Variants in DAB1 observed in about 807,000 individuals in gnomAD.
DAB1 encodes the protein disabled homolog 1.
DAB1 carries 15 observed loss-of-function variants against 64.6 expected under a neutral mutation model. The ratio of observed to expected loss-of-function variants is 0.23; its 90% CI spans 0.16 to 0.36. The LOEUF (loss-of-function observed/expected upper bound fraction) is 0.36, where lower values mean the gene tolerates loss of function less well. Among genes scored for constraint, DAB1 ranks in the 10% least tolerant of loss-of-function variants. The pLI is 1.00. For synonymous variants in DAB1, 235 were observed against 251.9 expected, an observed-to-expected ratio of 0.93 and a Z score of 0.64; for missense variants, 596 against 706.7, an observed-to-expected ratio of 0.84 and a Z score of 1.78.
intron 1 of DAB1, among the ~76,000 whole-genome samples, chr1:57,388,193 T>C (rs1441992218): frequency 6.6e-6 from 1 of 152,244 alleles, no homozygotes; most frequent in African/African-American, 2.4e-5. Context: ...TGAATAAACA[T>C]CAAGATCATA....
intron 3 of DAB1, among the ~76,000 whole-genome samples, chr1:58,376,068 TCTC>T (rs1310157898): frequency 6.6e-6 from 1 of 152,100 alleles, no homozygotes; most frequent in African/African-American, 2.4e-5. Context: ...TTGATTCTTC[TCTC>T]TTTTTTTCTT....
chr1:57,336,487 T>A (rs1677088825), intron 1 of DAB1, among the ~76,000 whole-genome samples: 1 of 152,236 alleles, frequency 6.6e-6, no homozygotes. Context: ...ACAACTTCTT[T>A]GGAACTCACA....
chr1:58,414,903 A>G (rs1344395386), intron 3 of DAB1, among the ~76,000 whole-genome samples: 1 of 152,232 alleles, frequency 6.6e-6, no homozygotes, highest in African/African-American at 2.4e-5. Flanking sequence ...GTCTGAAAAA[A>G]TAAAAATTTT....
chr1:57,251,965 C>CAT (rs1669376441), intron 2 of DAB1, among the ~76,000 whole-genome samples: 1 of 152,196 alleles, frequency 6.6e-6, no homozygotes, highest in Non-Finnish European at 1.5e-5. Flanking sequence ...TGAATTGATG[C>CAT]ATACATCATG....
intron 5 of DAB1, among the ~76,000 whole-genome samples, chr1:58,024,695 G>A (rs1304493605): frequency 6.6e-6 from 1 of 152,092 alleles, no homozygotes; most frequent in African/African-American, 2.4e-5. Context: ...CATTATTCTG[G>A]GTGTGTCTGT....
chr1:58,124,670 C>G (rs1016042485), intron 5 of DAB1, among the ~76,000 whole-genome samples: 1 of 152,178 alleles, frequency 6.6e-6, no homozygotes, highest in Non-Finnish European at 1.5e-5. Context: ...AAGAGTCTAG[C>G]ATAGCAGTTT....
At chr1:57,048,414 C>G (rs1648798290) in intron 9 of DAB1, among the ~76,000 whole-genome samples, 1 of 152,214 alleles carries the variant, frequency 6.6e-6, no homozygotes, top group Non-Finnish European at 1.5e-5. Flanking sequence ...TAAGTATAGG[C>G]TCCAACTAAC....
At chr1:58,149,744 C>T (rs544974821) in intron 5 of DAB1, among the ~76,000 whole-genome samples, 53 of 152,276 alleles carry the variant, frequency 3.5e-4, no homozygotes, top group Admixed American at 1.2e-3. Flanking sequence ...TTCACAAAGC[C>T]TTCTTCTCTG....
chr1:57,689,056 A>C (rs1204444660), intron 6 of DAB1, among the ~76,000 whole-genome samples: 3 of 152,220 alleles, frequency 2.0e-5, no homozygotes, highest in Non-Finnish European at 4.4e-5. Context: ...TACCCATTGT[A>C]TCTAAAATAA....
At chr1:57,728,609 CA>C (rs35688917) in intron 6 of DAB1, among the ~76,000 whole-genome samples, 1 of 149,906 alleles carries the variant, frequency 6.7e-6, no homozygotes, top group Non-Finnish European at 1.5e-5. Flanking sequence ...AAAACAACAA[CA>C]AAAAAAAACC....
chr1:57,883,477 C>T (rs1644176532), intron 1 of DAB1, among the ~76,000 whole-genome samples: 1 of 152,214 alleles, frequency 6.6e-6, no homozygotes, highest in Non-Finnish European at 1.5e-5. Context: ...GAGAGCACAA[C>T]CCAGAGTGCC....
intron 5 of DAB1, among the ~76,000 whole-genome samples, chr1:57,953,051 T>A (rs1301647112): frequency 1.3e-5 from 2 of 152,262 alleles, no homozygotes; most frequent in African/African-American, 4.8e-5. Context: ...GTGGCTCCCA[T>A]GGAGTCTCAT....
At chr1:57,688,618 A>T (rs938877033) in intron 6 of DAB1, among the ~76,000 whole-genome samples, 3 of 152,196 alleles carry the variant, frequency 2.0e-5, no homozygotes, top group Non-Finnish European at 4.4e-5. Flanking sequence ...ATATACTTAT[A>T]TGTTCATCAC....
At chr1:58,024,214 G>C (rs1338802664) in intron 5 of DAB1, among the ~76,000 whole-genome samples, 2 of 152,162 alleles carry the variant, frequency 1.3e-5, no homozygotes, top group Non-Finnish European at 2.9e-5. Flanking sequence ...GGTCAGGAGA[G>C]GGCAACATAA....
At chr1:58,096,606 T>C (rs1486942740) in intron 5 of DAB1, among the ~76,000 whole-genome samples, 1 of 152,222 alleles carries the variant, frequency 6.6e-6, no homozygotes, top group Non-Finnish European at 1.5e-5. Context: ...CAAATTGAGA[T>C]GGTTCAACAC....
intron 7 of DAB1, among the ~76,000 whole-genome samples, chr1:57,580,821 T>G (rs537726245): frequency 6.6e-6 from 1 of 152,182 alleles, no homozygotes; most frequent in Non-Finnish European, 1.5e-5. Context: ...TTGTATCCAG[T>G]ATACAAATGG....
intron 4 of DAB1, among the ~76,000 whole-genome samples, chr1:58,314,517 G>A (rs1030431845): frequency 2.0e-5 from 3 of 152,102 alleles, no homozygotes; most frequent in Non-Finnish European, 4.4e-5. Flanking sequence ...TTGATATTTT[G>A]TACTTACGAT....
chr1:58,401,902 C>T (rs564475177), intron 3 of DAB1, among the ~76,000 whole-genome samples: 2 of 152,278 alleles, frequency 1.3e-5, no homozygotes, highest in Admixed American at 1.3e-4. Context: ...TGCCTTTTTA[C>T]ATGTTGTGTG....
At chr1:57,670,056 T>C (rs1282208239) in intron 6 of DAB1, among the ~76,000 whole-genome samples, 2 of 152,182 alleles carry the variant, frequency 1.3e-5, no homozygotes, top group Non-Finnish European at 2.9e-5. Flanking sequence ...GGTATCTGTA[T>C]ATTTATTTCA....
Sources: gnomAD v4.1 joint callset for allele counts (sites outside exome capture counted in the v4.1 genomes callset) on GRCh38, gnomAD v4.1.1 for gene constraint, MANE v1.5 for transcripts, NCBI Gene and HGNC (gene_info 2026-07-23, HGNC 2026-07-21) for gene names.